The following GMEB2 variants were observed in gnomAD, a reference collection of about 807,000 sequenced individuals.
GMEB2 encodes glucocorticoid modulatory element-binding protein 2.
A neutral mutation model predicts 45.7 loss-of-function variants in GMEB2; 7 were observed. The ratio of observed to expected loss-of-function variants is 0.15; its 90% CI spans 0.09 to 0.29. GMEB2 has a LOEUF of 0.29. GMEB2 is among the 10% of genes least tolerant of loss of function. The probability of loss-of-function intolerance (pLI) is 1.00; values close to 1 mark genes in which losing one functional copy is unlikely to be tolerated. For synonymous variants in GMEB2, 322 were observed against 323.6 expected, an observed-to-expected ratio of 1.00 and a Z score of 0.05; for missense variants, 582 against 739.2, an observed-to-expected ratio of 0.79 and a Z score of 2.47.
rs79442883 is a variant in GMEB2 at position 63,616,834 on chromosome 20, T to C, written c.131+2433A>G. On this transcript the variant is annotated intron_variant, in intron 2 of 9. Coordinates refer to ENST00000370077, the MANE Select transcript of GMEB2 (RefSeq NM_012384.5). ...CCCTGAGAGCTAGGGGAAGGCGTTATCCTGAACTGTGTCCCCCGTAAAATT... is the reference window on the plus strand; with the variant it reads ...CCCTGAGAGCTAGGGGAAGGCGTTACCCTGAACTGTGTCCCCCGTAAAATT... 9.8e-3 allele frequency among the ~76,000 whole-genome samples: 1,494 copies of C among 152,326 alleles called. 27 individuals are homozygous for C. Among genetic ancestry groups the C allele is most frequent in the African/African-American group, 0.034 (1,428 of 41,562 alleles).
At chr20:63,602,931 T>G in intron 4 of GMEB2, 34 bp downstream of exon 4, 2 of 1,602,786 alleles carry the variant, frequency 1.2e-6, no homozygotes, top group Non-Finnish European at 1.7e-6. Flanking sequence ...CCATGAGGCC[T>G]CTCTCCTGGG....
chr20:63,590,563 C>T lies in GMEB2; in HGVS notation c.1119G>A (p.Ser373=), dbSNP rs144730448. Residue 373 remains serine, a synonymous_variant, in exon 10 of 10, where the codon TCG becomes TCA. Transcript: ENST00000370077. ...RATSGPAAMA[S]QVLTQSAQLA... is the part of the protein sequence containing the mutation. ...GCTGGGCAGACTGGGTGAGCACCTG[C>T]GAGGCCATGGCGGCCGGTCCTGATG... 4.3e-4 allele frequency: 672 copies of T among 1,558,904 alleles called. No homozygotes were observed. Among genetic ancestry groups the T allele is most frequent in the Non-Finnish European group, 4.9e-4 (566 of 1,150,510 alleles).
intron 5 of GMEB2, among the ~76,000 whole-genome samples, chr20:63,597,093 T>C (rs1364245651): frequency 6.6e-6 from 1 of 151,946 alleles, no homozygotes. Context: ...TACCAGATTA[T>C]ACCTTTCTTT....
chr20:63,617,280 G>A (rs1039809935), intron 2 of GMEB2, among the ~76,000 whole-genome samples: 5 of 152,052 alleles, frequency 3.3e-5, no homozygotes, highest in South Asian at 2.1e-4. Context: ...CTGGCCGACC[G>A]TGACCTTCTA....
intron 1 of GMEB2, among the ~76,000 whole-genome samples, chr20:63,624,764 G>A (rs1206863068): frequency 6.6e-6 from 1 of 152,164 alleles, no homozygotes; most frequent in Non-Finnish European, 1.5e-5. Flanking sequence ...TTGGACTGCA[G>A]TGGCCCGATC....
Position 63,590,768 on chromosome 20 carries a change from G to C in GMEB2, c.953-39C>G, listed in dbSNP as rs920466684. On this transcript the variant is annotated intron_variant, in intron 9 of 9. Transcript: ENST00000370077. ...CAGATGGCATCACACAGGGGACGGG[G>C]GCATGGATGGCGGCATGCAGGGGAT... 5.9e-6 allele frequency: 8 copies of C among 1,352,938 alleles called. No homozygotes were observed. In the African/African-American group the frequency reaches 1.2e-4, roughly 20 times the overall value. 83.8% of individuals were successfully genotyped at this position (1,352,938 alleles called of 1,614,324 possible).
At chr20:63,626,634 C>T (rs544371005) in intron 1 of GMEB2, among the ~76,000 whole-genome samples, 1 of 151,868 alleles carries the variant, frequency 6.6e-6, no homozygotes, top group East Asian at 1.9e-4. Context: ...CGGGGTGGTC[C>T]CTGCGGGTCG....
At position 63,590,049 on chromosome 20, in the gene GMEB2, G is replaced by A. The variant is rs993061384; in HGVS notation, c.*40C>T. On this transcript the variant is annotated 3_prime_UTR_variant, in exon 10 of 10. Coordinates refer to ENST00000370077, the MANE Select transcript of GMEB2 (RefSeq NM_012384.5). ...TCCCTGCTGCCGCGGCTGAGAGACA[G>A]CCAGCCCTGTCCGTCCCAGGGGCCT... is the stretch of plus-strand genomic sequence containing the variant. The A allele has an allele frequency of 3.4e-6, 5 of 1,481,596 alleles. No homozygotes were observed. In the Admixed American group the frequency reaches 9.3e-5, roughly 28 times the overall value. The allele number at this position is 1,481,596 out of a possible 1,614,324, so 91.8% of individuals were successfully genotyped here. A position where few individuals can be genotyped will look rare whatever the true frequency, so the allele number is the denominator to read the frequency against.
chr20:63,593,075 C>G lies in GMEB2; in HGVS notation c.627G>C (p.Gly209=). Residue 209 remains glycine, a synonymous_variant, in exon 7 of 10, where the codon GGG becomes GGC. Transcript: ENST00000370077. The surrounding 1 kb of genome is among the most constrained non-coding windows in gnomAD (Gnocchi z 4.7). ...TCTCTATGGTGATGGTCGCAGGAGACCCATTCACTGCAGCCGAAAGGGAAC... is the reference window on the plus strand; with the variant it reads ...TCTCTATGGTGATGGTCGCAGGAGAGCCATTCACTGCAGCCGAAAGGGAAC... ...PLTPAAADVN[G]SPATITIETC... is the part of the protein sequence containing the mutation. The G allele has an allele frequency of 6.2e-7, 1 of 1,609,266 alleles. No homozygotes were observed. The highest frequency in any genetic ancestry group is 8.5e-7 in the Non-Finnish European group (1 of 1,176,516).
In GMEB2 at chr20:63,592,669, A is replaced by G; in HGVS notation, c.693T>C (p.Asp231=). ...DPGDWTAAIG[D]DTFTFWRGLK... is the part of the protein sequence containing the mutation. Reference sequence around the variant, plus strand: ...GCCCCCGCCAGAAGGTAAATGTGTCATCTGTGAGGGAAGGAGTGGGTTCAG... The same window carrying G: ...GCCCCCGCCAGAAGGTAAATGTGTCGTCTGTGAGGGAAGGAGTGGGTTCAG... Residue 231 remains aspartate, a splice_region_variant and synonymous_variant, in exon 8 of 10, where the codon GAT becomes GAC. Coordinates refer to ENST00000370077, the MANE Select transcript of GMEB2 (RefSeq NM_012384.5). This position sits in a 1 kb window ranked among gnomAD's most constrained non-coding sequence, Gnocchi z 8.2. 6.2e-7 allele frequency: 1 copy of G among 1,613,124 alleles called. No individual in the cohort carries two copies. The highest frequency in any genetic ancestry group is 8.5e-7 in the Non-Finnish European group (1 of 1,179,296).
intron 2 of GMEB2, among the ~76,000 whole-genome samples, chr20:63,614,709 A>G (rs1028045927): frequency 1.3e-5 from 2 of 152,190 alleles, no homozygotes; most frequent in Non-Finnish European, 2.9e-5. Flanking sequence ...TGCCTTCTAG[A>G]TAGCAGCAGC....
At position 63,593,074 on chromosome 20, in the gene GMEB2, A is replaced by C; in HGVS notation, c.628T>G (p.Ser210Ala). 1.2e-6 allele frequency: 2 copies of C among 1,609,420 alleles called. No individual in the cohort carries two copies. The highest frequency in any genetic ancestry group is 8.5e-7 in the Non-Finnish European group (1 of 1,176,854). ...GTCTCTATGGTGATGGTCGCAGGAG[A>C]CCCATTCACTGCAGCCGAAAGGGAA... ...LTPAAADVNG[S>A]PATITIETCE... Residue 210 changes from serine (S) to alanine (A), a missense_variant, in exon 7 of 10, where the codon TCT (serine) becomes GCT (alanine). Physicochemically the swap from Ser to Ala is moderately conservative, Grantham distance 99. This residue lies in a region of GMEB2 where 462 missense variants were observed against 586.7 expected (regional missense o/e 0.79). Coordinates refer to ENST00000370077, the MANE Select transcript of GMEB2 (RefSeq NM_012384.5). This position sits in a 1 kb window ranked among gnomAD's most constrained non-coding sequence, Gnocchi z 4.7.
Position 63,593,968 on chromosome 20 carries a change from C to T in GMEB2, c.620-886G>A, listed in dbSNP as rs2083173448. Among the ~76,000 whole-genome samples, 1 of 152,212 alleles carries T rather than the reference C, an allele frequency of 6.6e-6. No individual in the cohort carries two copies. Among genetic ancestry groups the T allele is most frequent in the Admixed American group, 6.5e-5 (1 of 15,270 alleles). ...CCGGAAGGCAGAGGTTGCAGTGAGCCGAGATCAGGCCCCTGCACTCCAGCC... is the reference window on the plus strand; with the variant it reads ...CCGGAAGGCAGAGGTTGCAGTGAGCTGAGATCAGGCCCCTGCACTCCAGCC... On this transcript the variant is annotated intron_variant, in intron 6 of 9. Transcript: ENST00000370077. The surrounding 1 kb of genome is among the most constrained non-coding windows in gnomAD (Gnocchi z 4.7).
rs1267480744 is a variant in GMEB2, at chr20:63,592,316, C to T, written c.830-172G>A. ...CCACTGAGGCTGCTCCTCAGGAACCCAGCCAGCCAGGAGCTCAGTTCAGAG... is the reference window on the plus strand; with the variant it reads ...CCACTGAGGCTGCTCCTCAGGAACCTAGCCAGCCAGGAGCTCAGTTCAGAG... On this transcript the variant is annotated intron_variant, in intron 8 of 9. Transcript: ENST00000370077. This position sits in a 1 kb window ranked among gnomAD's most constrained non-coding sequence, Gnocchi z 8.2. Among the ~76,000 whole-genome samples, 2 of 152,162 alleles carry T rather than the reference C, an allele frequency of 1.3e-5. No individual in the cohort carries two copies. The highest frequency in any genetic ancestry group is 2.9e-5 in the Non-Finnish European group (2 of 68,020).
At chr20:63,611,659 G>A (rs2089571855) in intron 2 of GMEB2, among the ~76,000 whole-genome samples, 1 of 152,002 alleles carries the variant, frequency 6.6e-6, no homozygotes, top group South Asian at 2.1e-4. Flanking sequence ...ATCTCGCAAG[G>A]AACATTCCAG....
At chr20:63,601,841 G>A (rs1200769456) in intron 4 of GMEB2, among the ~76,000 whole-genome samples, 2 of 120,708 alleles carry the variant, frequency 1.7e-5, no homozygotes, top group African/African-American at 2.7e-5. Context: ...GGCTTCCGTG[G>A]GGCCTGTGGC....
rs576718932 is a variant in GMEB2 at position 63,596,346 on chromosome 20, G to A, written c.462-579C>T. Among the ~76,000 whole-genome samples, 3 of 152,338 alleles carry A rather than the reference G, an allele frequency of 2.0e-5. No individual in the cohort carries two copies. In the South Asian group the frequency reaches 6.2e-4, roughly 32 times the overall value. ...CCGCCCTCCCAGGGCCCTCTCTTCT[G>A]CCTCTCCGGAGGTCCAGGGTCTCAG... On this transcript the variant is annotated intron_variant, in intron 5 of 9. Transcript: ENST00000370077.
intron 2 of GMEB2, among the ~76,000 whole-genome samples, chr20:63,614,839 G>A (rs1179849551): frequency 6.6e-6 from 1 of 152,122 alleles, no homozygotes; most frequent in East Asian, 1.9e-4. Flanking sequence ...CTGGCCAGTG[G>A]GCACGTGACC....
chr20:63,590,331 C>A lies in GMEB2; in HGVS notation c.1351G>T (p.Ala451Ser), dbSNP rs748067783. 11 of 1,612,068 alleles carry A rather than the reference C, an allele frequency of 6.8e-6. No individual in the cohort carries two copies. The highest frequency in any genetic ancestry group is 9.3e-6 in the Non-Finnish European group (11 of 1,179,528). ...YPSTVEIHPD[A>S]SSLTVLSTAA... ...GTGCTCAGGACCGTGAGGCTGGACG[C>A]GTCCGGGTGGATCTCCACTGTGCTG... The change falls in exon 10 of 10, where the codon GCG becomes TCG. Residue 451 changes from alanine (A) to serine (S), a missense_variant. By Grantham distance (99) the Ala-to-Ser change is moderately conservative (BLOSUM62 1). This residue lies in a region of GMEB2 where 462 missense variants were observed against 586.7 expected (regional missense o/e 0.79). Transcript: ENST00000370077.
Sources: allele counts gnomAD v4.1 joint callset (sites outside exome capture counted in the v4.1 genomes callset), GRCh38; gene constraint gnomAD v4.1.1; regional missense constraint gnomAD v4.1.1; non-coding constraint Gnocchi (gnomAD v3.1); transcripts MANE v1.5; gene names NCBI Gene and HGNC (gene_info 2026-07-23, HGNC 2026-07-21).